Variants in GABBR2 observed in about 807,000 individuals in gnomAD.
GABBR2 encodes the protein gamma-aminobutyric acid type B receptor subunit 2, also known as G-protein coupled receptor 51.
In GABBR2, 23 loss-of-function variants were observed where a neutral mutation model predicts 105.6. The observed-to-expected ratio is 0.22, with a 90% CI of 0.16 to 0.31. The LOEUF (loss-of-function observed/expected upper bound fraction) is 0.31. GABBR2 is among the 10% of genes least tolerant of loss of function. The probability of loss-of-function intolerance (pLI) is 1.00; values close to 1 mark genes in which losing one functional copy is unlikely to be tolerated. For synonymous variants in GABBR2, 478 were observed against 499.7 expected (o/e 0.96, Z 0.58); for missense variants, 734 against 1,245.5 (o/e 0.59, Z 6.18).
intron 1 of GABBR2, among the ~76,000 whole-genome samples, chr9:98,630,963 C>A (rs541344784): frequency 6.6e-6 from 1 of 152,166 alleles, no homozygotes; most frequent in Non-Finnish European, 1.5e-5. Flanking sequence ...ACTAGCCACA[C>A]GTGGCTGGTG....
chr9:98,336,491 GT>G (rs1366513627), intron 13 of GABBR2, among the ~76,000 whole-genome samples: 1 of 152,064 alleles, frequency 6.6e-6, no homozygotes, highest in Non-Finnish European at 1.5e-5. Context: ...GGATCACAAA[GT>G]CAGGAGTTTG....
At chr9:98,353,691 G>T (rs1831439121) in intron 13 of GABBR2, among the ~76,000 whole-genome samples, 1 of 152,168 alleles carries the variant, frequency 6.6e-6, no homozygotes, top group Non-Finnish European at 1.5e-5. Flanking sequence ...CAGAGCTCTT[G>T]GGTAATCAGG....
intron 11 of GABBR2, among the ~76,000 whole-genome samples, chr9:98,381,667 C>T (rs1831978722): frequency 6.6e-6 from 1 of 152,148 alleles, no homozygotes; most frequent in Non-Finnish European, 1.5e-5. Flanking sequence ...ATGTGGACTC[C>T]CCTTTGTAGA....
chr9:98,333,572 A>G (rs1831064478), intron 13 of GABBR2, among the ~76,000 whole-genome samples: 1 of 151,954 alleles, frequency 6.6e-6, no homozygotes, highest in African/African-American at 2.4e-5. Context: ...CTCTATGTGT[A>G]TTTTTTATAA....
In GABBR2 at chr9:98,651,115, C is replaced by CCA. The variant is rs1372571774; in HGVS notation, c.321+57300_321+57301dup. Among the ~76,000 whole-genome samples the CCA allele has an allele frequency of 1.1e-4, 16 of 149,684 alleles. 1 individual carries two copies. In the South Asian group the frequency reaches 2.5e-3, roughly 24 times the overall value. On this transcript the variant is annotated intron_variant, in intron 1 of 18. Transcript: ENST00000259455. Reference sequence around the variant, plus strand: ...TTTTATCAAGATTATACACACACACCCACACACACACATACACACACTGGT... The same window carrying CCA: ...TTTTATCAAGATTATACACACACACCCACACACACACACATACACACACTGGT...
intron 6 of GABBR2, among the ~76,000 whole-genome samples, chr9:98,457,572 C>T (rs1443654039): frequency 6.6e-6 from 1 of 152,130 alleles, no homozygotes; most frequent in African/African-American, 2.4e-5. Context: ...TTCCCGGGTA[C>T]AAGGATCAGG....
At chr9:98,599,531 G>A (rs928927156) in intron 1 of GABBR2, among the ~76,000 whole-genome samples, 1 of 152,246 alleles carries the variant, frequency 6.6e-6, no homozygotes, top group African/African-American at 2.4e-5. Context: ...AACACAGGGT[G>A]AGGGGCCAGT....
intron 13 of GABBR2, among the ~76,000 whole-genome samples, chr9:98,343,813 G>A (rs1202932774): frequency 6.6e-6 from 1 of 151,912 alleles, no homozygotes; most frequent in East Asian, 1.9e-4. Context: ...AGCCGAGATT[G>A]CCCCACTGCA....
chr9:98,661,288 T>C (rs1422782521), intron 1 of GABBR2, among the ~76,000 whole-genome samples: 38 of 152,342 alleles, frequency 2.5e-4, no homozygotes, highest in Non-Finnish European at 7.3e-5. Context: ...AATGAGGATG[T>C]GGACATCTTG....
rs1588093696 is a variant in GABBR2, at chr9:98,311,125, G to A, written c.1974C>T (p.Gly658=). Residue 658 remains glycine (G), a synonymous_variant, in exon 14 of 19, where the codon GGC becomes GGT. Coordinates refer to ENST00000259455, the MANE Select transcript of GABBR2 (RefSeq NM_005458.8). ...CENTHMTIWL[G]IVYAYKGLLM... Reference sequence around the variant, plus strand: ...GAAGTCCCTTGTAGGCATAGACGATGCCAAGCCAGATGGTCATATGGGTGT... The same window carrying A: ...GAAGTCCCTTGTAGGCATAGACGATACCAAGCCAGATGGTCATATGGGTGT... 3.1e-6 allele frequency: 5 copies of A among 1,610,556 alleles called. No individual in the cohort carries two copies. The highest frequency in any genetic ancestry group is 1.7e-4 in the Middle Eastern group (1 of 6,054).
intron 7 of GABBR2, among the ~76,000 whole-genome samples, chr9:98,444,580 G>A (rs2131590926): frequency 6.6e-6 from 1 of 152,320 alleles, no homozygotes; most frequent in South Asian, 2.1e-4. Flanking sequence ...GAAGATGGGA[G>A]AGACTATAAA....
chr9:98,490,917 CT>C (rs1316975520), intron 4 of GABBR2, among the ~76,000 whole-genome samples: 1 of 152,048 alleles, frequency 6.6e-6, no homozygotes, highest in Non-Finnish European at 1.5e-5. Flanking sequence ...TATTTCCTGA[CT>C]TTCTTGATAC....
intron 1 of GABBR2, among the ~76,000 whole-genome samples, chr9:98,683,018 G>C (rs1337207156): frequency 1.3e-5 from 2 of 152,166 alleles, no homozygotes; most frequent in African/African-American, 4.8e-5. Context: ...TCCTGCGGTG[G>C]GCTCAGGGGG....
intron 7 of GABBR2, among the ~76,000 whole-genome samples, chr9:98,415,195 C>G (rs979964292): frequency 6.6e-6 from 1 of 152,008 alleles, no homozygotes; most frequent in African/African-American, 2.4e-5. Context: ...GTGATTATCG[C>G]TTTTTATTTT....
intron 7 of GABBR2, among the ~76,000 whole-genome samples, chr9:98,410,824 C>G (rs1332994531): frequency 4.6e-5 from 7 of 152,084 alleles, no homozygotes; most frequent in Admixed American, 6.6e-5. Context: ...AAACAAAAAC[C>G]ACTTCAGGCA....
At chr9:98,677,380 G>A (rs1457498109) in intron 1 of GABBR2, among the ~76,000 whole-genome samples, 2 of 152,182 alleles carry the variant, frequency 1.3e-5, no homozygotes, top group East Asian at 3.8e-4. Flanking sequence ...TTAATAACTG[G>A]AGGATACCTG....
chr9:98,409,248 C>T (rs934887050), intron 7 of GABBR2, among the ~76,000 whole-genome samples: 2 of 152,068 alleles, frequency 1.3e-5, no homozygotes, highest in East Asian at 1.9e-4. Context: ...TAATGAACAG[C>T]GATGAGGGTG....
intron 11 of GABBR2, among the ~76,000 whole-genome samples, chr9:98,382,322 C>CT (rs112576284): frequency 9.2e-5 from 14 of 151,420 alleles, no homozygotes; most frequent in African/African-American, 1.5e-4. Flanking sequence ...CCCCCAGTAT[C>CT]TTTTTTTTTG....
chr9:98,469,154 T>C (rs1460680307), intron 6 of GABBR2, among the ~76,000 whole-genome samples: 3 of 152,048 alleles, frequency 2.0e-5, no homozygotes, highest in Non-Finnish European at 2.9e-5. Context: ...TGAGACAGGG[T>C]AATTTATAAA....
Sources: allele counts gnomAD v4.1 joint callset (sites outside exome capture counted in the v4.1 genomes callset), GRCh38; gene constraint gnomAD v4.1.1; transcripts MANE v1.5; gene names NCBI Gene and HGNC (gene_info 2026-07-23, HGNC 2026-07-21).